The following CASP6 variants were observed in gnomAD, a reference collection of about 807,000 sequenced individuals.
The protein encoded by CASP6 is caspase-6.
CASP6 carries 20 observed loss-of-function variants against 31.8 expected under a neutral mutation model. The observed-to-expected ratio is 0.63, with a 90% CI of 0.44 to 0.91. The LOEUF (loss-of-function observed/expected upper bound fraction) is 0.91, where lower values mean the gene tolerates loss of function less well. Ranked by LOEUF, CASP6 falls within the 40% of genes least tolerant of loss-of-function variation. CASP6 has a pLI of 0.00. For missense variants in CASP6, 328 were observed against 361.1 expected (o/e 0.91, Z 0.74); for synonymous variants, 130 against 127.8 (o/e 1.02, Z -0.12).
intron 5 of CASP6, 123 bp from the exon 6 acceptor site, chr4:109,691,132 TC>T: frequency 2.0e-6 from 2 of 1,007,564 alleles, no homozygotes; most frequent in East Asian, 3.0e-5. Flanking sequence ...TCTGAGCAGT[TC>T]AGAAGCAATA....
upstream of CASP6, among the ~76,000 whole-genome samples, chr4:109,704,508 T>C (rs530854319): frequency 3.9e-5 from 6 of 152,288 alleles, no homozygotes; most frequent in African/African-American, 1.4e-4. Context: ...AGGCCCTAAC[T>C]CTTCAATTCT....
At position 109,689,139 on chromosome 4, in the gene CASP6, C is replaced by T; in HGVS notation, c.*191G>A. The T allele has an allele frequency of 3.9e-6, 2 of 515,770 alleles. No individual in the cohort carries two copies. Among genetic ancestry groups the T allele is most frequent in the Non-Finnish European group, 7.0e-6 (2 of 285,012 alleles). The allele number at this position is 515,770 out of a possible 1,614,324, so 31.9% of individuals were successfully genotyped here. A position where few individuals can be genotyped will look rare whatever the true frequency, so the allele number is the denominator to read the frequency against. On this transcript the variant is annotated 3_prime_UTR_variant, in exon 7 of 7. Coordinates refer to ENST00000265164, the MANE Select transcript of CASP6 (RefSeq NM_001226.4). ...TGCAGGCATGCGCCGCCATGCCTAG[C>T]TAAATTTTTTTTTGCATTTTTAGTA...
At chr4:109,698,273 C>A (rs746547516) in intron 2 of CASP6, 27 bp downstream of exon 2, 3 of 1,598,308 alleles carry the variant, frequency 1.9e-6, no homozygotes, top group Non-Finnish European at 2.6e-6. Context: ...AGGAAGAGAC[C>A]TTTATTAGAA....
chr4:109,675,329 C>G, the CASP6 span, among the ~76,000 whole-genome samples: 1 of 152,196 alleles, frequency 6.6e-6, no homozygotes, highest in African/African-American at 2.4e-5. Context: ...TCCTCGGAAC[C>G]CTCTTCTCAA....
At chr4:109,688,311 A>G (rs185060909), downstream of CASP6, 8 of 152,332 alleles carry the variant, frequency 5.3e-5, no homozygotes, top group African/African-American at 1.9e-4. Flanking sequence ...CTGTTATTCT[A>G]TTAATGTGAT....
chr4:109,698,288 G>A lies in CASP6; in HGVS notation c.83+12C>T. 6.2e-7 allele frequency: 1 copy of A among 1,604,328 alleles called. No homozygotes were observed. The highest frequency in any genetic ancestry group is 8.5e-7 in the Non-Finnish European group (1 of 1,176,670). On this transcript the variant is annotated intron_variant, in intron 2 of 6. Coordinates refer to ENST00000265164, the MANE Select transcript of CASP6 (RefSeq NM_001226.4). ...AGGAAGAGACCTTTATTAGAAAAGA[G>A]CACAGCTTTACCTTTTATAGAAGGC...
upstream of CASP6, among the ~76,000 whole-genome samples, chr4:109,705,543 G>A (rs1441624497): frequency 6.6e-6 from 1 of 152,096 alleles, no homozygotes; most frequent in Non-Finnish European, 1.5e-5. Flanking sequence ...ATAGTTCTGA[G>A]CAAAGTAAAT....
At chr4:109,678,581 C>G in the CASP6 span, among the ~76,000 whole-genome samples, 1 of 146,704 alleles carries the variant, frequency 6.8e-6, no homozygotes, top group South Asian at 2.2e-4. Context: ...CTCCTCACCT[C>G]CCAGACAGGG....
At chr4:109,707,387 ATTTTTTTT>A (rs570364377), upstream of CASP6, among the ~76,000 whole-genome samples, 1 of 136,328 alleles carries the variant, frequency 7.3e-6, no homozygotes, top group African/African-American at 2.7e-5. Context: ...TAACTCCTGG[ATTTTTTTT>A]TTTTTTTTTT....
the CASP6 span, among the ~76,000 whole-genome samples, chr4:109,673,407 A>C: frequency 6.6e-6 from 1 of 152,200 alleles, no homozygotes; most frequent in Non-Finnish European, 1.5e-5. Flanking sequence ...TGCTGCTGGA[A>C]GGGCTGTGTG....
chr4:109,707,787 C>T (rs1579119143), upstream of CASP6, among the ~76,000 whole-genome samples: 1 of 152,260 alleles, frequency 6.6e-6, no homozygotes, highest in East Asian at 1.9e-4. Context: ...ATGGTGTTTC[C>T]TGGGGAGAGC....
the CASP6 span, among the ~76,000 whole-genome samples, chr4:109,667,802 CT>C: frequency 6.6e-6 from 1 of 151,284 alleles, no homozygotes; most frequent in Non-Finnish European, 1.5e-5. Flanking sequence ...ATAGATTCCC[CT>C]CTGAGCATTG....
chr4:109,682,264 C>T, the CASP6 span, among the ~76,000 whole-genome samples: 2 of 151,490 alleles, frequency 1.3e-5, no homozygotes, highest in African/African-American at 2.4e-5. Flanking sequence ...CTTGTAGCTG[C>T]TTATGCTCAA....
chr4:109,693,333 T>C (rs1730134331), intron 5 of CASP6, among the ~76,000 whole-genome samples: 1 of 152,234 alleles, frequency 6.6e-6, no homozygotes, highest in African/African-American at 2.4e-5. Flanking sequence ...TTTCATGTCC[T>C]CCATGCTATT....
At chr4:109,703,549 C>A, upstream of CASP6, 1 of 949,572 alleles carries the variant, frequency 1.1e-6, no homozygotes, top group Non-Finnish European at 1.5e-6. Flanking sequence ...CCCGGGCTCC[C>A]GTGGATCGGG....
intron 2 of CASP6, 123 bp from the exon 3 acceptor site, chr4:109,697,891 G>C: frequency 9.3e-7 from 1 of 1,079,748 alleles, no homozygotes; most frequent in Admixed American, 2.6e-5. Context: ...ATGTTCCATG[G>C]GTGTGCTCCA....
At chr4:109,672,290 C>T in the CASP6 span, among the ~76,000 whole-genome samples, 35 of 152,098 alleles carry the variant, frequency 2.3e-4, no homozygotes, top group Non-Finnish European at 4.4e-4. Flanking sequence ...GTTATTTTTC[C>T]TTCCCTCCTG....
chr4:109,703,629 A>G (rs1403285599), upstream of CASP6: 1 of 572,216 alleles, frequency 1.7e-6, no homozygotes, highest in Non-Finnish European at 3.0e-6. Flanking sequence ...GCGCGGGGGC[A>G]GGGAGAGGTA....
chr4:109,664,408 C>CTA, the CASP6 span: 14 of 969,530 alleles, frequency 1.4e-5, no homozygotes, highest in Admixed American at 2.9e-4. Context: ...AGAAACACAG[C>CTA]TATCCAACTA....
Sources: allele counts gnomAD v4.1 joint callset (sites outside exome capture counted in the v4.1 genomes callset), GRCh38; gene constraint gnomAD v4.1.1; transcripts MANE v1.5; gene names NCBI Gene and HGNC (gene_info 2026-07-23, HGNC 2026-07-21).